Variants in FMO4 observed in about 807,000 individuals in gnomAD.
FMO4 encodes the protein dimethylaniline monooxygenase [N-oxide-forming] 4.
FMO4 carries 38 observed loss-of-function variants against 43.3 expected under a neutral mutation model. The observed-to-expected ratio is 0.88, with a 90% confidence interval of 0.68 to 1.15. The LOEUF (loss-of-function observed/expected upper bound fraction) is 1.15, where lower values mean the gene tolerates loss of function less well. Ranked by LOEUF, FMO4 falls within the 50% of genes most tolerant of loss-of-function variation. FMO4 has a pLI of 0.00. For synonymous variants in FMO4, 224 were observed against 232.2 expected (o/e 0.96, Z 0.32); for missense variants, 631 against 663.3 (o/e 0.95, Z 0.54).
intron 5 of FMO4, among the ~76,000 whole-genome samples, chr1:171,326,117 G>A (rs983584779): frequency 6.6e-6 from 1 of 151,846 alleles, no homozygotes; most frequent in Non-Finnish European, 1.5e-5. Context: ...CAAATACTGA[G>A]ATTACAGAAC....
At chr1:171,339,938 T>A (rs578169337) in intron 9 of FMO4, among the ~76,000 whole-genome samples, 1 of 152,260 alleles carries the variant, frequency 6.6e-6, no homozygotes, top group East Asian at 1.9e-4. Context: ...GCCATTGAAA[T>A]CGCTGATGAA....
chr1:171,322,626 G>A (rs1662480809), intron 3 of FMO4, among the ~76,000 whole-genome samples: 1 of 152,174 alleles, frequency 6.6e-6, no homozygotes, highest in Non-Finnish European at 1.5e-5. Flanking sequence ...GCCAAGGCGG[G>A]TGGATCACTT....
intron 5 of FMO4, 120 bp from the exon 6 acceptor site, chr1:171,331,520 A>C: frequency 2.3e-6 from 2 of 853,918 alleles, no homozygotes; most frequent in Non-Finnish European, 3.7e-6. Flanking sequence ...TGCCACAAGC[A>C]GCATAAGCAA....
At chr1:171,324,323 C>T (rs1336852805) in intron 5 of FMO4, 23 bp downstream of exon 5, 5 of 1,575,312 alleles carry the variant, frequency 3.2e-6, no homozygotes, top group South Asian at 2.3e-5. Flanking sequence ...TACCTGAGAC[C>T]ATGCCTATGC....
At chr1:171,325,457 C>G (rs1289697375) in intron 5 of FMO4, among the ~76,000 whole-genome samples, 2 of 151,932 alleles carry the variant, frequency 1.3e-5, no homozygotes, top group Non-Finnish European at 2.9e-5. Context: ...GGAAGGAAAA[C>G]CTTGAAGAAT....
intron 2 of FMO4, among the ~76,000 whole-genome samples, chr1:171,317,525 T>G (rs549711394): frequency 9.9e-5 from 15 of 152,240 alleles, no homozygotes; most frequent in African/African-American, 3.6e-4. Context: ...TTACTAGAAT[T>G]AACTCAGCCC....
chr1:171,336,883 T>C (rs1404075822), intron 8 of FMO4, among the ~76,000 whole-genome samples: 1 of 152,080 alleles, frequency 6.6e-6, no homozygotes, highest in Non-Finnish European at 1.5e-5. Flanking sequence ...GTTATAGGCA[T>C]GAGCCACTAT....
chr1:171,321,969 CAG>C (rs1332881079), intron 3 of FMO4, among the ~76,000 whole-genome samples: 2 of 152,168 alleles, frequency 1.3e-5, no homozygotes, highest in Non-Finnish European at 2.9e-5. Flanking sequence ...AAGGGAGAAA[CAG>C]AGATTAGCTT....
rs747496222 is a variant in FMO4 at position 171,331,669 on chromosome 1, C to T, written c.514C>T (p.His172Tyr). The change falls in exon 6 of 10, where the codon CAT (histidine) becomes TAT (tyrosine). Residue 172 changes from histidine to tyrosine, a missense_variant. Coordinates refer to ENST00000367749, the MANE Select transcript of FMO4 (RefSeq NM_002022.3). ...TCATAAGTTTAAAGGTCAGATCCTG[C>T]ATAGTCAAGAGTACAAGATCCCAGA... ...GIHKFKGQIL[H>Y]SQEYKIPEGF... 1.5e-5 allele frequency: 24 copies of T among 1,613,666 alleles called. No individual in the cohort carries two copies. The Admixed American group carries it at 3.0e-4, about 20-fold the overall frequency.
At chr1:171,317,639 T>A (rs1201429867) in intron 2 of FMO4, among the ~76,000 whole-genome samples, 1 of 152,180 alleles carries the variant, frequency 6.6e-6, no homozygotes, top group Non-Finnish European at 1.5e-5. Flanking sequence ...TGTGTATACT[T>A]CCTCCAGTTC....
At chr1:171,325,474 T>A (rs993056651) in intron 5 of FMO4, among the ~76,000 whole-genome samples, 1 of 152,134 alleles carries the variant, frequency 6.6e-6, no homozygotes, top group Non-Finnish European at 1.5e-5. Flanking sequence ...GAATAAAACA[T>A]GCAAACGTTG....
intron 7 of FMO4, 152 bp downstream of exon 7, chr1:171,333,060 C>T (rs745475536): frequency 1.1e-4 from 62 of 557,230 alleles, no homozygotes; most frequent in Non-Finnish European, 1.4e-4. Flanking sequence ...TCAGGTACCA[C>T]AGCAGTTTTT....
chr1:171,334,697 G>A lies in FMO4; in HGVS notation c.1114G>A (p.Gly372Ser), dbSNP rs45599742. ...GACATTAGCCATCATCGGCCTTATC[G>A]GCCTTAAAGGATCCATCTTATCAGG... ...RATLAIIGLIGLKGSILSGTE... is the reference protein window; with the variant it reads ...RATLAIIGLISLKGSILSGTE... Residue 372 changes from glycine (G) to serine (S), a missense_variant, in exon 8 of 10, where the codon GGC becomes AGC. Physicochemically the swap from Gly to Ser is moderately conservative, Grantham distance 56. Coordinates refer to ENST00000367749, the MANE Select transcript of FMO4 (RefSeq NM_002022.3). 4.3e-3 allele frequency: 6,970 copies of A among 1,609,836 alleles called. 16 individuals are homozygous for A. Among genetic ancestry groups the A allele is most frequent in the Non-Finnish European group, 5.5e-3 (6,468 of 1,178,844 alleles).
In FMO4 at chr1:171,334,590, T is replaced by A; in HGVS notation, c.1007T>A (p.Phe336Tyr). The A allele has an allele frequency of 6.2e-7, 1 of 1,613,894 alleles. No homozygotes were observed. Among genetic ancestry groups the A allele is most frequent in the Non-Finnish European group, 8.5e-7 (1 of 1,179,852 alleles). ...FTTGYTFSFPFFEEPLKSLCT... is the reference protein window; with the variant it reads ...FTTGYTFSFPYFEEPLKSLCT... ...ACAGGATATACATTTTCTTTTCCAT[T>A]TTTTGAAGAACCTCTTAAAAGCCTC... is the stretch of plus-strand genomic sequence containing the variant. The change falls in exon 8 of 10, where the codon TTT (phenylalanine) becomes TAT (tyrosine). Residue 336 changes from phenylalanine (F) to tyrosine (Y), a missense_variant. By Grantham distance (22) the Phe-to-Tyr change is conservative. Transcript: ENST00000367749.
chr1:171,316,866 G>A (rs1266620200), intron 2 of FMO4, among the ~76,000 whole-genome samples: 1 of 152,138 alleles, frequency 6.6e-6, no homozygotes, highest in Non-Finnish European at 1.5e-5. Flanking sequence ...TAAGTCTAAG[G>A]GTTCCTGGAG....
chr1:171,336,961 GCACACA>G (rs35512975), intron 8 of FMO4, among the ~76,000 whole-genome samples: 35 of 147,112 alleles, frequency 2.4e-4, no homozygotes, highest in African/African-American at 8.5e-4. Context: ...ACACAAACAT[GCACACA>G]CACACACACA....
chr1:171,321,884 G>A (rs908687311), intron 3 of FMO4, among the ~76,000 whole-genome samples: 5 of 152,142 alleles, frequency 3.3e-5, no homozygotes, highest in South Asian at 2.1e-4. Context: ...CAGCAGGGCC[G>A]CATCAGCTAC....
chr1:171,337,020 T>C (rs556659105), intron 8 of FMO4, among the ~76,000 whole-genome samples: 1 of 151,644 alleles, frequency 6.6e-6, no homozygotes, highest in Non-Finnish European at 1.5e-5. Flanking sequence ...CAATATAATA[T>C]AAATTATATT....
chr1:171,325,510 T>C (rs1392569262), intron 5 of FMO4, among the ~76,000 whole-genome samples: 1 of 152,144 alleles, frequency 6.6e-6, no homozygotes, highest in African/African-American at 2.4e-5. Context: ...ATACTTCTTA[T>C]AAATGTAATC....
Sources: gnomAD v4.1 joint callset for allele counts (sites outside exome capture counted in the v4.1 genomes callset) on GRCh38, gnomAD v4.1.1 for gene constraint, MANE v1.5 for transcripts, NCBI Gene and HGNC (gene_info 2026-07-23, HGNC 2026-07-21) for gene names.